Variants in MAP6 observed in about 807,000 individuals in gnomAD.
MAP6 encodes microtubule-associated protein 6.
Under a neutral mutation model 42.4 loss-of-function variants are expected in MAP6, and 26 were observed. The ratio of observed to expected loss-of-function variants is 0.61; its 90% CI spans 0.45 to 0.85. The LOEUF (loss-of-function observed/expected upper bound fraction) is 0.85. Among genes scored for constraint, MAP6 ranks in the 40% least tolerant of loss-of-function variants. The pLI, the probability that MAP6 is intolerant of heterozygous loss-of-function variation, is 0.00. For synonymous variants in MAP6, 418 were observed against 443.8 expected, an observed-to-expected ratio of 0.94 and a Z score of 0.73; for missense variants, 966 against 1,099.0, an observed-to-expected ratio of 0.88 and a Z score of 1.71.
intron 3 of MAP6, among the ~76,000 whole-genome samples, chr11:75,601,451 T>C (rs563085542): frequency 1.3e-5 from 2 of 152,324 alleles, no homozygotes; most frequent in East Asian, 3.9e-4. Context: ...GTGGGTGGGA[T>C]GTTTTCTATT....
chr11:75,629,726 C>A (rs1462224809), intron 1 of MAP6, among the ~76,000 whole-genome samples: 1 of 151,974 alleles, frequency 6.6e-6, no homozygotes, highest in Non-Finnish European at 1.5e-5. Flanking sequence ...GGTCTGAATG[C>A]AAGTTTGTAA....
rs951325004 is a variant in MAP6, at chr11:75,667,208, A to T, written c.905+257T>A. Reference sequence around the variant, plus strand: ...AAGGCAGGGATCTGAGGTGGGAGGGATGGAGAAAAGGGCTACAGCGGTAAA... The same window carrying T: ...AAGGCAGGGATCTGAGGTGGGAGGGTTGGAGAAAAGGGCTACAGCGGTAAA... On this transcript the variant is annotated intron_variant, in intron 1 of 3. Coordinates refer to ENST00000304771, the MANE Select transcript of MAP6 (RefSeq NM_033063.2). The surrounding 1 kb of genome is among the most constrained non-coding windows in gnomAD (Gnocchi z 5.6). Among the ~76,000 whole-genome samples, 2 of 152,118 alleles carry T rather than the reference A, an allele frequency of 1.3e-5. No homozygotes were observed. The highest frequency in any genetic ancestry group is 6.5e-5 in the Admixed American group (1 of 15,276).
intron 3 of MAP6, chr11:75,603,922 T>C (rs1942711629): frequency 1.0e-6 from 1 of 985,454 alleles, no homozygotes; most frequent in African/African-American, 1.7e-5. Context: ...AGACTGAACA[T>C]ACATTGGCAA....
intron 3 of MAP6, chr11:75,594,521 G>A (rs1255282043): frequency 6.6e-6 from 1 of 152,156 alleles, no homozygotes; most frequent in Non-Finnish European, 1.5e-5. Flanking sequence ...CGGACTCTGT[G>A]GGAGTGTCTC....
chr11:75,667,752 C>T lies in MAP6; in HGVS notation c.618G>A (p.Val206=), dbSNP rs1943982459. Residue 206 remains valine, a synonymous_variant, in exon 1 of 4, where the codon GTG becomes GTA. Transcript: ENST00000304771. This position sits in a 1 kb window ranked among gnomAD's most constrained non-coding sequence, Gnocchi z 5.6. The part of the protein sequence containing the change: ...RRPQSQERWP[V]QAAAEAREQE... ...GCTCCCGGGCCTCAGCGGCGGCCTG[C>T]ACTGGCCAGCGCTCCTGGCTCTGCG... The T allele has an allele frequency of 2.3e-6, 3 of 1,310,890 alleles. No individual in the cohort carries two copies. The highest frequency in any genetic ancestry group is 2.9e-6 in the Non-Finnish European group (3 of 1,031,892). 81.2% of individuals were successfully genotyped at this position (1,310,890 alleles called of 1,614,324 possible).
At chr11:75,631,748 G>A (rs1193096455) in intron 1 of MAP6, among the ~76,000 whole-genome samples, 1 of 152,250 alleles carries the variant, frequency 6.6e-6, no homozygotes, top group East Asian at 1.9e-4. Context: ...AGGAGGAAAT[G>A]AGGGAATATC....
chr11:75,610,039 G>A (rs1942862975), intron 1 of MAP6, among the ~76,000 whole-genome samples: 3 of 152,142 alleles, frequency 2.0e-5, no homozygotes, highest in Admixed American at 2.0e-4. Flanking sequence ...ATAAGAAGAG[G>A]AAGAGAGACC....
At chr11:75,592,104 G>C (rs1456202318) in intron 3 of MAP6, among the ~76,000 whole-genome samples, 2 of 152,214 alleles carry the variant, frequency 1.3e-5, no homozygotes, top group African/African-American at 4.8e-5. Context: ...CGGGCTGTCT[G>C]TTTCTGCTTC....
chr11:75,656,016 G>A (rs1943742690), intron 1 of MAP6, among the ~76,000 whole-genome samples: 1 of 152,218 alleles, frequency 6.6e-6, no homozygotes. Flanking sequence ...CAGCAGATGA[G>A]CCTGAAACTC....
chr11:75,624,863 T>C (rs187175293), intron 1 of MAP6, among the ~76,000 whole-genome samples: 91 of 152,296 alleles, frequency 6.0e-4, no homozygotes, highest in African/African-American at 2.1e-3. Context: ...GTGCTCAGCC[T>C]ACATAGTAAG....
intron 1 of MAP6, chr11:75,642,819 G>T: frequency 4.5e-6 from 2 of 444,720 alleles, no homozygotes; most frequent in South Asian, 3.4e-5. Context: ...TGTCACCGCA[G>T]ACCTAGGCAT....
At chr11:75,621,706 C>G (rs201301529) in intron 1 of MAP6, among the ~76,000 whole-genome samples, 1 of 127,442 alleles carries the variant, frequency 7.8e-6, no homozygotes, top group East Asian at 2.4e-4. Flanking sequence ...AAGACACAAA[C>G]TGTCATTATT....
At chr11:75,641,742 A>G (rs1185031651) in intron 1 of MAP6, among the ~76,000 whole-genome samples, 2 of 152,222 alleles carry the variant, frequency 1.3e-5, no homozygotes, top group African/African-American at 4.8e-5. Flanking sequence ...TTCCAGGTGA[A>G]GCTAATGCTG....
At chr11:75,589,674 G>A (rs1291819923) in intron 3 of MAP6, among the ~76,000 whole-genome samples, 4 of 152,186 alleles carry the variant, frequency 2.6e-5, no homozygotes, top group South Asian at 2.1e-4. Context: ...CACATAGTAG[G>A]TGCTCAATGC....
intron 3 of MAP6, among the ~76,000 whole-genome samples, chr11:75,601,522 C>T (rs528653974): frequency 1.4e-4 from 21 of 152,262 alleles, no homozygotes; most frequent in African/African-American, 5.1e-4. Flanking sequence ...ATTTCTACCC[C>T]TGCCTCCCCC....
At chr11:75,644,787 A>G (rs552201527) in intron 1 of MAP6, among the ~76,000 whole-genome samples, 3 of 152,310 alleles carry the variant, frequency 2.0e-5, no homozygotes, top group South Asian at 4.1e-4. Flanking sequence ...AAAATCTAAG[A>G]AAGAAAATTT....
chr11:75,651,540 C>T (rs950484967), intron 1 of MAP6, among the ~76,000 whole-genome samples: 1 of 152,130 alleles, frequency 6.6e-6, no homozygotes, highest in Non-Finnish European at 1.5e-5. Flanking sequence ...TAAAAAATTC[C>T]ATGTTGTAGC....
chr11:75,608,240 T>G lies in MAP6; in HGVS notation c.988A>C (p.Met330Leu). Residue 330 changes from methionine (M) to leucine (L), a missense_variant, in exon 2 of 4, where the codon ATG becomes CTG. Around this residue, in one of 2 missense-constraint regions of MAP6, gnomAD observed 943 missense variants for 1,049.9 expected, o/e 0.90. Transcript: ENST00000304771. The part of the protein sequence containing the change: ...KPQYKPPDDK[M>L]VHETSYSAQF... ...GCACTGTAGCTGGTCTCATGAACCATCTTATCATCTGGGGGCTTGTACTGG... is the reference window on the plus strand; with the variant it reads ...GCACTGTAGCTGGTCTCATGAACCAGCTTATCATCTGGGGGCTTGTACTGG... 1 of 1,614,242 alleles carries G rather than the reference T, an allele frequency of 6.2e-7. No homozygotes were observed. The highest frequency in any genetic ancestry group is 8.5e-7 in the Non-Finnish European group (1 of 1,180,030).
chr11:75,616,236 TTTA>T (rs1942992142), intron 1 of MAP6, among the ~76,000 whole-genome samples: 2 of 152,228 alleles, frequency 1.3e-5, no homozygotes, highest in Non-Finnish European at 2.9e-5. Context: ...GAGGAATTTA[TTTA>T]TTATGTATCT....
Sources: allele counts gnomAD v4.1 joint callset (sites outside exome capture counted in the v4.1 genomes callset), GRCh38; gene constraint gnomAD v4.1.1; regional missense constraint gnomAD v4.1.1; non-coding constraint Gnocchi (gnomAD v3.1); transcripts MANE v1.5; gene names NCBI Gene and HGNC (gene_info 2026-07-23, HGNC 2026-07-21).